NIPAL2: variants seen among roughly 807,000 people sequenced by gnomAD.
NIPAL2 encodes NIPA-like protein 2.
In NIPAL2, 43 loss-of-function variants were observed where a neutral mutation model predicts 48.9. The observed-to-expected ratio is 0.88, with a 90% CI of 0.69 to 1.13. The LOEUF (loss-of-function observed/expected upper bound fraction) is 1.13, where lower values mean the gene tolerates loss of function less well. Among genes scored for constraint, NIPAL2 ranks in the 50% most tolerant of loss-of-function variants. The probability of loss-of-function intolerance (pLI) is 0.00; values close to 1 mark genes in which losing one functional copy is unlikely to be tolerated. For missense variants in NIPAL2, 446 were observed against 461.4 expected (o/e 0.97, Z 0.31); for synonymous variants, 167 against 174.6 (o/e 0.96, Z 0.34).
At chr8:98,221,943 C>T (rs554554870) in intron 5 of NIPAL2, among the ~76,000 whole-genome samples, 1 of 152,238 alleles carries the variant, frequency 6.6e-6, no homozygotes, top group East Asian at 1.9e-4. Context: ...GGTATATACC[C>T]AAAGGATTAT....
At chr8:98,292,887 G>GTAA (rs1816566462) in intron 1 of NIPAL2, among the ~76,000 whole-genome samples, 1 of 152,034 alleles carries the variant, frequency 6.6e-6, no homozygotes, top group Non-Finnish European at 1.5e-5. Flanking sequence ...GAGAAATGGG[G>GTAA]TTGGATTACA....
chr8:98,276,763 T>C (rs1007054368), intron 1 of NIPAL2, among the ~76,000 whole-genome samples: 2 of 151,884 alleles, frequency 1.3e-5, no homozygotes, highest in South Asian at 2.1e-4. Flanking sequence ...TTCTTTCTTT[T>C]TTTTTTCTTT....
chr8:98,274,612 CTCTT>C (rs1246537631), intron 1 of NIPAL2, among the ~76,000 whole-genome samples: 2 of 151,920 alleles, frequency 1.3e-5, no homozygotes, highest in Non-Finnish European at 2.9e-5. Flanking sequence ...AATATAATCA[CTCTT>C]TTGATATTTC....
chr8:98,218,152 T>G (rs1811665200), intron 5 of NIPAL2, among the ~76,000 whole-genome samples: 1 of 152,232 alleles, frequency 6.6e-6, no homozygotes, highest in Non-Finnish European at 1.5e-5. Flanking sequence ...TCTTGATGCA[T>G]CTTTAATATA....
intron 1 of NIPAL2, among the ~76,000 whole-genome samples, chr8:98,293,693 C>G (rs1816609407): frequency 6.6e-6 from 1 of 152,180 alleles, no homozygotes; most frequent in Non-Finnish European, 1.5e-5. Context: ...AGAGGGCGGA[C>G]GCAGGCTGGG....
At chr8:98,204,991 C>T (rs768723588) in intron 7 of NIPAL2, 120 bp downstream of exon 7, 173 of 1,079,954 alleles carry the variant, frequency 1.6e-4, no homozygotes, top group Non-Finnish European at 2.3e-4. Context: ...AGCTACAGGC[C>T]CTTCACCCTT....
intron 3 of NIPAL2, among the ~76,000 whole-genome samples, chr8:98,236,781 G>A (rs1202101477): frequency 6.8e-6 from 1 of 147,604 alleles, no homozygotes. Flanking sequence ...GAGCCTGGGA[G>A]GTTGAGGCTG....
At chr8:98,216,818 G>A (rs1811601684) in intron 5 of NIPAL2, among the ~76,000 whole-genome samples, 1 of 152,196 alleles carries the variant, frequency 6.6e-6, no homozygotes. Flanking sequence ...TTGAGAATCA[G>A]GGCTGCATTT....
chr8:98,266,130 T>G (rs1159322886), intron 1 of NIPAL2, among the ~76,000 whole-genome samples: 2 of 82,014 alleles, frequency 2.4e-5, no homozygotes, highest in African/African-American at 5.1e-5. Flanking sequence ...TGGGGACTGT[T>G]GTGGGGTGGG....
chr8:98,190,610 A>G lies in NIPAL2; in HGVS notation c.*2368T>C, dbSNP rs1810266947. 6.6e-6 allele frequency: 1 copy of G among 152,266 alleles called. No individual in the cohort carries two copies. The highest frequency in any genetic ancestry group is 6.5e-5 in the Admixed American group (1 of 15,280). 9.4% of individuals were successfully genotyped at this position (152,266 alleles called of 1,614,324 possible). A position where few individuals can be genotyped will look rare whatever the true frequency, so the allele number is the denominator to read the frequency against. ...AGTGCTGGGATTACAGGCATGAGCCACCATGCCTGGCCTGTAAATAAAGTT... is the reference window on the plus strand; with the variant it reads ...AGTGCTGGGATTACAGGCATGAGCCGCCATGCCTGGCCTGTAAATAAAGTT... On this transcript the variant is annotated 3_prime_UTR_variant, in exon 11 of 11. Coordinates refer to ENST00000430223, the MANE Select transcript of NIPAL2 (RefSeq NM_001321635.2).
intron 3 of NIPAL2, among the ~76,000 whole-genome samples, chr8:98,243,877 A>G (rs971176434): frequency 1.3e-5 from 2 of 151,996 alleles, no homozygotes; most frequent in African/African-American, 4.8e-5. Context: ...TTTTATTTAA[A>G]CTCTCTTCCC....
rs1813032123 is a variant in NIPAL2, at chr8:98,242,394, C to T, written c.377-6180G>A. On this transcript the variant is annotated intron_variant, in intron 3 of 10. Transcript: ENST00000430223. ...TAGAGACAGAGTCTCACTATGTTGC[C>T]CAGGCTGGTCTCAAACGTCTGGGCT... Among the ~76,000 whole-genome samples, 4 of 151,924 alleles carry T rather than the reference C, an allele frequency of 2.6e-5. No individual in the cohort carries two copies. In the South Asian group the frequency reaches 8.3e-4, roughly 32 times the overall value.
At chr8:98,264,229 A>G (rs1420842396) in intron 1 of NIPAL2, among the ~76,000 whole-genome samples, 5 of 135,482 alleles carry the variant, frequency 3.7e-5, no homozygotes, top group African/African-American at 1.4e-4. Flanking sequence ...CAAGACAGGG[A>G]TGCCCTCTCT....
chr8:98,237,380 C>G (rs117445031), intron 3 of NIPAL2, among the ~76,000 whole-genome samples: 1 of 152,068 alleles, frequency 6.6e-6, no homozygotes, highest in Non-Finnish European at 1.5e-5. Flanking sequence ...GGTCTGTTCC[C>G]AACTCTTCAT....
chr8:98,271,621 G>C (rs1407841806), intron 1 of NIPAL2, among the ~76,000 whole-genome samples: 1 of 152,024 alleles, frequency 6.6e-6, no homozygotes, highest in Non-Finnish European at 1.5e-5. Context: ...TCTAAGTATA[G>C]AGTCATATCG....
intron 1 of NIPAL2, among the ~76,000 whole-genome samples, chr8:98,291,341 T>A (rs1816478675): frequency 6.6e-6 from 1 of 152,192 alleles, no homozygotes; most frequent in East Asian, 1.9e-4. Context: ...CTAAGCTTTT[T>A]CCTTTCCTGC....
chr8:98,260,157 A>T (rs116720195), intron 1 of NIPAL2, among the ~76,000 whole-genome samples: 3,246 of 152,234 alleles, frequency 0.021, 100 homozygotes, highest in African/African-American at 0.074. Flanking sequence ...GTCAGACCAA[A>T]AGGCGCTGTT....
At position 98,272,117 on chromosome 8, in the gene NIPAL2, A is replaced by G. The variant is rs139828677; in HGVS notation, c.136-18030T>C. Among the ~76,000 whole-genome samples the G allele has an allele frequency of 9.9e-3, 1,500 of 152,098 alleles. 26 individuals are homozygous for G. Among genetic ancestry groups the G allele is most frequent in the African/African-American group, 0.034 (1,430 of 41,502 alleles). On this transcript the variant is annotated intron_variant, in intron 1 of 10. Transcript: ENST00000430223. ...TTTGCTAGTATTTGTAATGATTTGT[A>G]TTCGCTTCCTATAGATGAGGAAACT... is the stretch of plus-strand genomic sequence containing the variant.
chr8:98,252,764 C>A, intron 2 of NIPAL2, 130 bp from the exon 3 acceptor site: 3 of 771,400 alleles, frequency 3.9e-6, no homozygotes, highest in Non-Finnish European at 1.9e-6. Flanking sequence ...TTTTTAAGAA[C>A]GAATACATTT....
Sources: gnomAD v4.1 joint callset for allele counts (sites outside exome capture counted in the v4.1 genomes callset) on GRCh38, gnomAD v4.1.1 for gene constraint, MANE v1.5 for transcripts, NCBI Gene and HGNC (gene_info 2026-07-23, HGNC 2026-07-21) for gene names.